Variants in MAGI3 observed in about 807,000 individuals in gnomAD.
The protein encoded by MAGI3 is membrane-associated guanylate kinase, WW and PDZ domain-containing protein 3.
Under a neutral mutation model 121.8 loss-of-function variants are expected in MAGI3, and 43 were observed. The ratio of observed to expected loss-of-function variants is 0.35; its 90% CI spans 0.28 to 0.46. MAGI3 has a LOEUF of 0.46. MAGI3 is among the 20% of genes least tolerant of loss of function. MAGI3 has a pLI of 1.00. For missense variants in MAGI3, 1,547 were observed against 1,797.3 expected, an observed-to-expected ratio of 0.86 and a Z score of 2.52; for synonymous variants, 553 against 639.3, an observed-to-expected ratio of 0.86 and a Z score of 2.04.
At chr1:113,618,545 G>A (rs779059199) in intron 7 of MAGI3, 11 of 446,960 alleles carry the variant, frequency 2.5e-5, no homozygotes, top group East Asian at 2.1e-4. Context: ...CACTCTTGTC[G>A]CCCAAGCTGG....
intron 1 of MAGI3, among the ~76,000 whole-genome samples, chr1:113,473,896 A>G (rs183976009): frequency 8.5e-4 from 130 of 152,254 alleles, no homozygotes; most frequent in African/African-American, 3.1e-3. Flanking sequence ...GTATAAAAGC[A>G]TTCGTATTTC....
At chr1:113,459,619 C>T (rs192062376) in intron 1 of MAGI3, among the ~76,000 whole-genome samples, 1 of 152,346 alleles carries the variant, frequency 6.6e-6, no homozygotes, top group African/African-American at 2.4e-5. Flanking sequence ...TGCCTCTTTA[C>T]ATTCACCATC....
chr1:113,554,599 G>A (rs878911520), intron 2 of MAGI3, among the ~76,000 whole-genome samples: 1 of 151,864 alleles, frequency 6.6e-6, no homozygotes, highest in Admixed American at 6.6e-5. Context: ...GCTGTTTTCA[G>A]ACATTGAAAT....
chr1:113,433,206 G>T (rs911393885), intron 1 of MAGI3, among the ~76,000 whole-genome samples: 35 of 152,086 alleles, frequency 2.3e-4, no homozygotes, highest in African/African-American at 8.0e-4. Context: ...GAGGCTGACA[G>T]TTGGCATTAT....
At chr1:113,404,074 AG>A (rs2101305393) in intron 1 of MAGI3, 1 of 152,248 alleles carries the variant, frequency 6.6e-6, no homozygotes, top group East Asian at 1.9e-4. Flanking sequence ...TTTTTGTCCT[AG>A]GTTAGCTTGT....
intron 1 of MAGI3, chr1:113,404,245 G>C (rs957124898): frequency 2.0e-5 from 3 of 152,098 alleles, no homozygotes; most frequent in Non-Finnish European, 4.4e-5. Context: ...AAAAAGATGA[G>C]TGGGGCTTAT....
At chr1:113,530,666 A>G (rs1466274397) in intron 1 of MAGI3, among the ~76,000 whole-genome samples, 1 of 152,176 alleles carries the variant, frequency 6.6e-6, no homozygotes, top group Non-Finnish European at 1.5e-5. Context: ...TATGCCTGTA[A>G]TCCCAGCACT....
At position 113,673,114 on chromosome 1, in the gene MAGI3, A is replaced by G. The variant is rs571985559; in HGVS notation, c.3046-208A>G. The stretch of plus-strand genomic sequence containing the variant: ...TTGTTGCATTGCACATTGACCAACT[A>G]GAAAAGACATGTAACCTTCAGATTA... On this transcript the variant is annotated intron_variant, in intron 18 of 20. Coordinates refer to ENST00000307546, the MANE Select transcript of MAGI3 (RefSeq NM_001142782.2). Among the ~76,000 whole-genome samples the G allele has an allele frequency of 2.0e-4, 30 of 152,366 alleles. No individual in the cohort carries two copies. The South Asian group carries it at 5.0e-3, about 25-fold the overall frequency.
At chr1:113,450,515 G>A in intron 1 of MAGI3, 2 of 1,013,510 alleles carry the variant, frequency 2.0e-6, no homozygotes, top group Admixed American at 3.4e-5. Context: ...TGGAGGTGGT[G>A]GAGGATATGA....
Position 113,449,116 on chromosome 1 carries a change from C to CA in MAGI3, c.316+57783dup, listed in dbSNP as rs111501053. Among the ~76,000 whole-genome samples, 457 of 73,080 alleles carry CA rather than the reference C, an allele frequency of 6.3e-3. 10 individuals are homozygous for CA. Among genetic ancestry groups the CA allele is most frequent in the Middle Eastern group, 0.047 (4 of 86 alleles). 47.9% of individuals were successfully genotyped at this position (73,080 alleles called of 152,430 possible). A position where few individuals can be genotyped will look rare whatever the true frequency, so the allele number is the denominator to read the frequency against. On this transcript the variant is annotated intron_variant, in intron 1 of 20. Coordinates refer to ENST00000307546, the MANE Select transcript of MAGI3 (RefSeq NM_001142782.2). The stretch of plus-strand genomic sequence containing the variant: ...GGGCAACAAGAGCAAAACTTCATTT[C>CA]AAAAAAAAAAAAAAAAGAATATTTT...
chr1:113,553,129 C>A (rs1180400978), intron 2 of MAGI3, among the ~76,000 whole-genome samples: 1 of 152,126 alleles, frequency 6.6e-6, no homozygotes, highest in African/African-American at 2.4e-5. Context: ...GTAGGTGGAA[C>A]AGGACTATGA....
chr1:113,638,453 G>A (rs74757129), intron 9 of MAGI3, among the ~76,000 whole-genome samples: 2 of 152,234 alleles, frequency 1.3e-5, no homozygotes, highest in African/African-American at 4.8e-5. Flanking sequence ...CTAACAGACA[G>A]GACCCTCAGC....
At chr1:113,568,710 A>G (rs1273389389) in intron 2 of MAGI3, among the ~76,000 whole-genome samples, 8 of 152,084 alleles carry the variant, frequency 5.3e-5, no homozygotes, top group Non-Finnish European at 1.0e-4. Context: ...ATGACTTTTA[A>G]TAAATTATTT....
intron 1 of MAGI3, among the ~76,000 whole-genome samples, chr1:113,430,923 A>G (rs1432394196): frequency 6.6e-6 from 1 of 152,252 alleles, no homozygotes; most frequent in Non-Finnish European, 1.5e-5. Flanking sequence ...GGCTCACTGA[A>G]TCAGTTATAA....
rs1476008623 is a variant in MAGI3 at position 113,684,642 on chromosome 1, TTTTTA to T, written c.*634_*638del. The T allele has an allele frequency of 1.3e-5, 2 of 152,366 alleles. No homozygotes were observed. The highest frequency in any genetic ancestry group is 2.4e-5 in the African/African-American group (1 of 41,458). 9.4% of individuals were successfully genotyped at this position (152,366 alleles called of 1,614,324 possible). On this transcript the variant is annotated 3_prime_UTR_variant, in exon 21 of 21. Transcript: ENST00000307546. ...TCCAATATTGATGCTTTCTTATGGC[TTTTTA>T]TTTTAATTTGGCTGGATAAGTTGTT... is the stretch of plus-strand genomic sequence containing the variant.
intron 1 of MAGI3, chr1:113,450,479 T>C: frequency 9.2e-7 from 1 of 1,086,242 alleles, no homozygotes. Context: ...TGGACCAGGA[T>C]ATGGAAACCA....
chr1:113,597,651 T>A (rs1649103680), intron 6 of MAGI3, among the ~76,000 whole-genome samples: 1 of 152,276 alleles, frequency 6.6e-6, no homozygotes, highest in East Asian at 1.9e-4. Context: ...AGGACTAAAG[T>A]ACACTGACGC....
intron 20 of MAGI3, chr1:113,682,524 A>C: frequency 7.8e-7 from 1 of 1,276,072 alleles, no homozygotes; most frequent in Non-Finnish European, 9.9e-7. Context: ...GCCATATCCT[A>C]AACTGTATCA....
chr1:113,657,116 C>A (rs970432352), intron 15 of MAGI3, among the ~76,000 whole-genome samples: 4 of 152,144 alleles, frequency 2.6e-5, no homozygotes, highest in African/African-American at 9.7e-5. Context: ...TCTAGACAAG[C>A]CAGGCTATGA....
Sources: gnomAD v4.1 joint callset for allele counts (sites outside exome capture counted in the v4.1 genomes callset) on GRCh38, gnomAD v4.1.1 for gene constraint, MANE v1.5 for transcripts, NCBI Gene and HGNC (gene_info 2026-07-23, HGNC 2026-07-21) for gene names.